The following PHEX variants were observed in gnomAD, a reference collection of about 807,000 sequenced individuals.
PHEX encodes phosphate-regulating neutral endopeptidase PHEX.
In PHEX, 16 loss-of-function variants were observed where a neutral mutation model predicts 68.0. That is an observed-to-expected ratio of 0.24 (90% CI 0.16 to 0.36). The LOEUF is 0.36. Ranked by LOEUF, PHEX falls within the 10% of genes least tolerant of loss-of-function variation. The pLI, the probability that PHEX is intolerant of heterozygous loss-of-function variation, is 1.00. For synonymous variants in PHEX, 208 were observed against 205.1 expected, an observed-to-expected ratio of 1.01 and a Z score of -0.12; for missense variants, 480 against 575.5, an observed-to-expected ratio of 0.83 and a Z score of 1.70.
chrX:22,108,545 T>G lies in PHEX; in HGVS notation c.1080-2922T>G, dbSNP rs145539728. ...CTTTATAAAGAAAAATAATTACACT[T>G]TATTGAGTTCTATATTGATGGCTAT... On this transcript the variant is annotated intron_variant, in intron 9 of 21. Coordinates refer to ENST00000379374, the MANE Select transcript of PHEX (RefSeq NM_000444.6). 2.9e-3 allele frequency among the ~76,000 whole-genome samples: 320 copies of G among 111,785 alleles called. 1 individual carries two copies. Among genetic ancestry groups the G allele is most frequent in the African/African-American group, 9.5e-3 (293 of 30,791 alleles).
At chrX:22,044,165 T>C (rs1927406572) in intron 2 of PHEX, among the ~76,000 whole-genome samples, 1 of 110,078 alleles carries the variant, frequency 9.1e-6, no homozygotes. Flanking sequence ...AGAGGATACA[T>C]TTGAGGGTTG....
chrX:22,134,191 A>G (rs750345321), intron 12 of PHEX, among the ~76,000 whole-genome samples: 1 of 112,406 alleles, frequency 8.9e-6, no homozygotes, highest in Non-Finnish European at 1.9e-5. Context: ...CTACAAACGT[A>G]TTTCCTAATA....
chrX:22,139,150 C>G (rs751645233), intron 12 of PHEX, among the ~76,000 whole-genome samples: 2 of 111,544 alleles, frequency 1.8e-5, no homozygotes, highest in Non-Finnish European at 3.8e-5. Context: ...GAGATTGGTC[C>G]CTGTCTCAGA....
chrX:22,107,403 A>T (rs775128439), intron 9 of PHEX, among the ~76,000 whole-genome samples: 1 of 112,310 alleles, frequency 8.9e-6, no homozygotes, highest in East Asian at 2.8e-4. Flanking sequence ...TGGATCCAGC[A>T]TGGTTCACAT....
chrX:22,220,835 A>G (rs1419865814), intron 17 of PHEX, among the ~76,000 whole-genome samples: 1 of 112,249 alleles, frequency 8.9e-6, no homozygotes, highest in African/African-American at 3.2e-5. Flanking sequence ...AGCTCTCTGT[A>G]TAATTAAATT....
intron 18 of PHEX, among the ~76,000 whole-genome samples, chrX:22,224,056 C>T (rs968348942): frequency 1.8e-5 from 2 of 110,449 alleles, no homozygotes; most frequent in African/African-American, 6.6e-5. Flanking sequence ...GATCTCGGCT[C>T]ACTACAACCT....
chrX:22,059,419 A>G (rs1928262587), intron 3 of PHEX, among the ~76,000 whole-genome samples: 1 of 112,424 alleles, frequency 8.9e-6, no homozygotes, highest in South Asian at 3.7e-4. Flanking sequence ...AAATTATAGT[A>G]GTTGTCAGAC....
intron 12 of PHEX, among the ~76,000 whole-genome samples, chrX:22,145,874 A>G (rs1224967352): frequency 8.9e-6 from 1 of 112,521 alleles, no homozygotes; most frequent in African/African-American, 3.2e-5. Context: ...ATAAATGGCT[A>G]TCTTTCTCTT....
In PHEX at chrX:22,071,824, G is replaced by A. The variant is rs766209111; in HGVS notation, c.350-4564G>A. 1.4e-4 allele frequency among the ~76,000 whole-genome samples: 16 copies of A among 112,803 alleles called. No individual in the cohort carries two copies. The South Asian group carries it at 2.9e-3, about 21-fold the overall frequency. ...AAGAAAATGTAAACTGTCACCGGGCGCGGTGGCTCATGCCTGTAATCCCAG... is the reference window on the plus strand; with the variant it reads ...AAGAAAATGTAAACTGTCACCGGGCACGGTGGCTCATGCCTGTAATCCCAG... On this transcript the variant is annotated intron_variant, in intron 3 of 21. Transcript: ENST00000379374.
At chrX:22,040,134 C>T (rs1602246033) in intron 2 of PHEX, among the ~76,000 whole-genome samples, 1 of 111,629 alleles carries the variant, frequency 9.0e-6, no homozygotes, top group East Asian at 2.8e-4. Context: ...TAGCCCTCAC[C>T]CTCATTCTTT....
chrX:22,159,137 T>A (rs529838182), intron 12 of PHEX, among the ~76,000 whole-genome samples: 1 of 113,442 alleles, frequency 8.8e-6, no homozygotes, highest in African/African-American at 3.2e-5. Context: ...TGCACACAGA[T>A]GATGCTGTTG....
chrX:22,087,650 G>A (rs1457886526), intron 5 of PHEX, among the ~76,000 whole-genome samples: 1 of 111,569 alleles, frequency 9.0e-6, no homozygotes, highest in Non-Finnish European at 1.9e-5. Context: ...GAGGAGATGG[G>A]TCAAAACAGT....
In PHEX at chrX:22,135,496, T is replaced by C. The variant is rs139101613; in HGVS notation, c.1404+1872T>C. On this transcript the variant is annotated intron_variant, in intron 12 of 21. Coordinates refer to ENST00000379374, the MANE Select transcript of PHEX (RefSeq NM_000444.6). The stretch of plus-strand genomic sequence containing the variant: ...CCAGGGTGGAGGGTGGGGTGGAGTG[T>C]GTGTGTATGTATAGGTGTTGGGGGT... Among the ~76,000 whole-genome samples the C allele has an allele frequency of 2.5e-3, 276 of 110,655 alleles. 1 individual carries two copies. Among genetic ancestry groups the C allele is most frequent in the African/African-American group, 8.0e-3 (242 of 30,411 alleles).
chrX:22,243,403 G>A (rs755126005), intron 20 of PHEX, among the ~76,000 whole-genome samples: 5 of 111,614 alleles, frequency 4.5e-5, no homozygotes, highest in South Asian at 7.5e-4. Context: ...CACCAAAATC[G>A]ATGGCAACAA....
At chrX:22,046,121 TG>T (rs1927515731) in intron 2 of PHEX, among the ~76,000 whole-genome samples, 1 of 111,780 alleles carries the variant, frequency 8.9e-6, no homozygotes. Flanking sequence ...GCGCCTGGAC[TG>T]GAAGGCGAAT....
rs970260145 is a variant in PHEX, at chrX:22,190,376, T to A, written c.1587-68T>A. On this transcript the variant is annotated intron_variant, in intron 14 of 21. Transcript: ENST00000379374. ...TGCTAATAAACCCAGCCATGCTGTG[T>A]TTGTCTTTGCTTCCCTCCTGCCTGT... is the stretch of plus-strand genomic sequence containing the variant. The A allele has an allele frequency of 1.5e-5, 11 of 720,702 alleles. No homozygotes were observed. In the African/African-American group the frequency reaches 2.1e-4, roughly 14 times the overall value. The allele number at this position is 720,702 out of a possible 1,213,427, so 59.4% of individuals were successfully genotyped here.
chrX:22,063,843 A>C (rs1393496678), intron 3 of PHEX, among the ~76,000 whole-genome samples: 1 of 113,027 alleles, frequency 8.8e-6, no homozygotes, highest in Non-Finnish European at 1.9e-5. Flanking sequence ...TACTTTCCAG[A>C]ATGGAAATAC....
chrX:22,088,356 G>A (rs1929709945), intron 5 of PHEX, among the ~76,000 whole-genome samples: 1 of 111,511 alleles, frequency 9.0e-6, no homozygotes, highest in Admixed American at 9.5e-5. Context: ...TTGTGTAAAT[G>A]TATGTTGAAC....
intron 11 of PHEX, among the ~76,000 whole-genome samples, chrX:22,130,615 T>C (rs1319287951): frequency 9.1e-6 from 1 of 109,878 alleles, no homozygotes; most frequent in Non-Finnish European, 1.9e-5. Flanking sequence ...CCCGGAGATT[T>C]CCTTGTCATT....
Sources: gnomAD v4.1 joint callset for allele counts (sites outside exome capture counted in the v4.1 genomes callset) on GRCh38, gnomAD v4.1.1 for gene constraint, MANE v1.5 for transcripts, NCBI Gene and HGNC (gene_info 2026-07-23, HGNC 2026-07-21) for gene names.